Variants in LRP2 observed in about 807,000 individuals in gnomAD.
The protein encoded by LRP2 is LDL receptor related protein 2, also known as low-density lipoprotein receptor-related protein 2.
A neutral mutation model predicts 531.0 loss-of-function variants in LRP2; 172 were observed. That is an observed-to-expected ratio of 0.32 (90% CI 0.29 to 0.37). The LOEUF is 0.37. LRP2 is among the 10% of genes least tolerant of loss of function. The pLI, the probability that LRP2 is intolerant of heterozygous loss-of-function variation, is 1.00. For synonymous variants in LRP2, 1,992 were observed against 2,027.6 expected (o/e 0.98, Z 0.47); for missense variants, 5,167 against 5,868.3 (o/e 0.88, Z 3.90).
intron 62 of LRP2, 30 bp downstream of exon 62, chr2:169,165,902 T>C (rs376701901): frequency 1.2e-6 from 2 of 1,613,366 alleles, no homozygotes; most frequent in African/African-American, 1.3e-5. Flanking sequence ...GGTCCTTCCT[T>C]TTTCCTTCTC....
At chr2:169,175,424 G>C (rs932462466) in intron 54 of LRP2, 35 bp from the exon 55 acceptor site, 33 of 1,587,334 alleles carry the variant, frequency 2.1e-5, no homozygotes, top group Non-Finnish European at 2.8e-5. Flanking sequence ...CTTTAGCAAA[G>C]CACCAGGGGC....
In LRP2 at chr2:169,128,821, C is replaced by T. The variant is rs1260157140; in HGVS notation, c.13810G>A (p.Glu4604Lys). ...GTCGCAGCAACACTTTCCTTTTGCT[C>T]GTTCTCCATCTAAGAATACAATGTA... ...ENPIYAQMEN[E>K]QKESVAATPP... is the part of the protein sequence containing the mutation. Residue 4604 changes from glutamate to lysine, a missense_variant, in exon 79 of 79, where the codon GAG becomes AAG. Coordinates refer to ENST00000649046, the MANE Select transcript of LRP2 (RefSeq NM_004525.3). 2.5e-6 allele frequency: 4 copies of T among 1,613,904 alleles called. No individual in the cohort carries two copies. Among genetic ancestry groups the T allele is most frequent in the African/African-American group, 1.3e-5 (1 of 74,908 alleles).
At chr2:169,356,887 C>T (rs1378110741) in intron 1 of LRP2, among the ~76,000 whole-genome samples, 1 of 152,156 alleles carries the variant, frequency 6.6e-6, no homozygotes, top group Non-Finnish European at 1.5e-5. Flanking sequence ...AAATGCAAAA[C>T]TGCAGTCCAT....
chr2:169,179,007 T>C (rs1245749649), intron 52 of LRP2, among the ~76,000 whole-genome samples: 2 of 151,470 alleles, frequency 1.3e-5, no homozygotes, highest in Admixed American at 6.6e-5. Context: ...ATTTATTTAT[T>C]TATTTATTTA....
At chr2:169,236,490 C>T (rs72876281) in intron 28 of LRP2, among the ~76,000 whole-genome samples, 182 of 152,266 alleles carry the variant, frequency 1.2e-3, no homozygotes, top group Non-Finnish European at 2.2e-3. Context: ...GTGTGTAATA[C>T]TTTACAATAT....
chr2:169,138,753 C>A (rs1685609609), intron 74 of LRP2, 47 bp from the exon 75 acceptor site: 7 of 1,605,400 alleles, frequency 4.4e-6, no homozygotes, highest in Non-Finnish European at 6.0e-6. Context: ...AAAACAACAA[C>A]AACAAAAACA....
chr2:169,205,428 T>C (rs1339246792), intron 41 of LRP2, 51 bp downstream of exon 41: 4 of 1,597,338 alleles, frequency 2.5e-6, no homozygotes, highest in African/African-American at 2.7e-5. Context: ...TCTTTGGAAA[T>C]GGAAGAAAAA....
intron 70 of LRP2, among the ~76,000 whole-genome samples, chr2:169,142,995 C>A (rs1685778613): frequency 6.6e-6 from 1 of 152,174 alleles, no homozygotes; most frequent in African/African-American, 2.4e-5. Context: ...CCTCTCTGGG[C>A]CCTCCAGCCA....
intron 1 of LRP2, among the ~76,000 whole-genome samples, chr2:169,327,636 G>A (rs1392841657): frequency 1.2e-5 from 1 of 83,138 alleles, no homozygotes; most frequent in East Asian, 4.2e-4. Flanking sequence ...TGCCGGGCCA[G>A]CCACCCCGTC....
intron 24 of LRP2, among the ~76,000 whole-genome samples, chr2:169,241,865 C>T (rs1428746010): frequency 1.3e-5 from 2 of 152,180 alleles, no homozygotes; most frequent in Admixed American, 6.5e-5. Context: ...ATGGTAAATA[C>T]TCAGTTCTTT....
intron 52 of LRP2, 134 bp downstream of exon 52, chr2:169,181,314 G>A: frequency 1.2e-6 from 1 of 806,438 alleles, no homozygotes; most frequent in Non-Finnish European, 2.1e-6. Flanking sequence ...TTAGTTAGAA[G>A]TGTGACTTCC....
At chr2:169,211,690 G>A (rs1450297313) in intron 37 of LRP2, among the ~76,000 whole-genome samples, 1 of 152,064 alleles carries the variant, frequency 6.6e-6, no homozygotes, top group Non-Finnish European at 1.5e-5. Context: ...CATGCCCTGG[G>A]AGCTTATTAG....
chr2:169,337,669 A>G (rs913686903), intron 1 of LRP2, among the ~76,000 whole-genome samples: 3 of 152,230 alleles, frequency 2.0e-5, no homozygotes, highest in African/African-American at 7.2e-5. Context: ...CCCTTATTCT[A>G]CTATTTGTAA....
intron 66 of LRP2, among the ~76,000 whole-genome samples, chr2:169,153,565 T>TA: frequency 6.6e-6 from 1 of 152,366 alleles, no homozygotes; most frequent in South Asian, 2.1e-4. Context: ...TAGTTATTGA[T>TA]AGTTTTCAAA....
At chr2:169,338,359 G>GGAAGGAAA (rs1685467215) in intron 1 of LRP2, among the ~76,000 whole-genome samples, 5 of 76,566 alleles carry the variant, frequency 6.5e-5, no homozygotes, top group African/African-American at 2.8e-4. Flanking sequence ...AAAGAAAGAA[G>GGAAGGAAA]GAAAGAAAGA....
At chr2:169,340,799 C>T (rs886904917) in intron 1 of LRP2, among the ~76,000 whole-genome samples, 1 of 152,166 alleles carries the variant, frequency 6.6e-6, no homozygotes, top group Non-Finnish European at 1.5e-5. Flanking sequence ...GCGACAGGAG[C>T]CCAGAGTAGA....
chr2:169,310,019 CTGTT>C (rs1684547514), intron 3 of LRP2, among the ~76,000 whole-genome samples: 2 of 152,076 alleles, frequency 1.3e-5, no homozygotes, highest in Admixed American at 6.5e-5. Context: ...ATTTGGCTCT[CTGTT>C]TGTCTGTTAT....
chr2:169,150,286 T>A (rs1686074207), intron 68 of LRP2, among the ~76,000 whole-genome samples: 1 of 152,208 alleles, frequency 6.6e-6, no homozygotes, highest in African/African-American at 2.4e-5. Context: ...GTCACTATTC[T>A]GAAGCTAAGC....
In LRP2 at chr2:169,237,113, G is replaced by C. The variant is rs747683662; in HGVS notation, c.4681C>G (p.Pro1561Ala). ...AAAAAAAAGTCTTACTTCATTCTGG[G>C]ATCTAATGCTAGTCCTCTTGGATTT... Reference protein sequence around the residue: ...LTNPRGLALDPRMNEHLLFWS... With the variant: ...LTNPRGLALDARMNEHLLFWS... Residue 1561 changes from proline (P) to alanine (A), a missense_variant, in exon 28 of 79, where the codon CCC becomes GCC. Physicochemically the swap from Pro to Ala is conservative, Grantham distance 27 (BLOSUM62 -1). Coordinates refer to ENST00000649046, the MANE Select transcript of LRP2 (RefSeq NM_004525.3). 2 of 1,613,566 alleles carry C rather than the reference G, an allele frequency of 1.2e-6. No homozygotes were observed. The highest frequency in any genetic ancestry group is 1.7e-6 in the Non-Finnish European group (2 of 1,179,622).
Sources: gnomAD v4.1 joint callset for allele counts (sites outside exome capture counted in the v4.1 genomes callset) on GRCh38, gnomAD v4.1.1 for gene constraint, MANE v1.5 for transcripts, NCBI Gene and HGNC (gene_info 2026-07-23, HGNC 2026-07-21) for gene names.